The following STOML3 variants were observed in gnomAD, a reference collection of about 807,000 sequenced individuals.
STOML3 encodes stomatin like 3, also known as stomatin-like protein 3.
STOML3 carries 31 observed loss-of-function variants against 29.5 expected under a neutral mutation model. The observed-to-expected ratio is 1.05, with a 90% CI of 0.79 to 1.42. The LOEUF (loss-of-function observed/expected upper bound fraction) is 1.42. Ranked by LOEUF, STOML3 falls within the 40% of genes most tolerant of loss-of-function variation. The probability of loss-of-function intolerance (pLI) is 0.00; values close to 1 mark genes in which losing one functional copy is unlikely to be tolerated. For missense variants in STOML3, 380 were observed against 363.0 expected, an observed-to-expected ratio of 1.05 and a Z score of -0.38; for synonymous variants, 122 against 139.8, an observed-to-expected ratio of 0.87 and a Z score of 0.90.
At chr13:38,976,077 G>T (rs1216678319) in intron 3 of STOML3, among the ~76,000 whole-genome samples, 2 of 152,156 alleles carry the variant, frequency 1.3e-5, no homozygotes, top group African/African-American at 2.4e-5. Flanking sequence ...ATCTTTCTAT[G>T]TGTCTACTTG....
intron 4 of STOML3, among the ~76,000 whole-genome samples, chr13:38,972,291 C>T (rs111875779): frequency 1.2e-4 from 19 of 152,286 alleles, no homozygotes; most frequent in African/African-American, 4.1e-4. Context: ...TCTAAGTCTT[C>T]TAGCAATTCA....
chr13:38,970,558 A>G (rs1239015554), intron 4 of STOML3, among the ~76,000 whole-genome samples, 170 bp from the exon 5 acceptor site: 2 of 152,186 alleles, frequency 1.3e-5, no homozygotes, highest in Non-Finnish European at 2.9e-5. Context: ...CCCAGCTGAT[A>G]CGCAATTCCT....
At chr13:38,975,946 T>G (rs1881058944) in intron 3 of STOML3, among the ~76,000 whole-genome samples, 1 of 152,132 alleles carries the variant, frequency 6.6e-6, no homozygotes, top group Admixed American at 6.5e-5. Flanking sequence ...TGAAAACTCA[T>G]CTTTATTTCT....
At chr13:38,989,888 A>G (rs1181619302) in intron 1 of STOML3, among the ~76,000 whole-genome samples, 1 of 152,018 alleles carries the variant, frequency 6.6e-6, no homozygotes, top group African/African-American at 2.4e-5. Flanking sequence ...GGTACAGAGC[A>G]CAGGTTAGGT....
chr13:38,984,346 A>G (rs900666283), intron 1 of STOML3, among the ~76,000 whole-genome samples: 3 of 152,110 alleles, frequency 2.0e-5, no homozygotes, highest in Admixed American at 2.0e-4. Flanking sequence ...AGCAGGCCTC[A>G]GCTCAAACAT....
intron 1 of STOML3, among the ~76,000 whole-genome samples, chr13:38,985,062 A>G (rs1334386736): frequency 6.6e-6 from 1 of 152,174 alleles, no homozygotes; most frequent in Non-Finnish European, 1.5e-5. Context: ...TTAACCAAAG[A>G]ACCATATGTC....
rs764038019 is a variant in STOML3, at chr13:38,972,513, T to A, written c.311A>T (p.Glu104Val). 2 of 1,613,664 alleles carry A rather than the reference T, an allele frequency of 1.2e-6. No homozygotes were observed. Among genetic ancestry groups the A allele is most frequent in the South Asian group, 2.2e-5 (2 of 91,066 alleles). Residue 104 changes from glutamate (E) to valine (V), a missense_variant and splice_region_variant, in exon 4 of 7, where the codon GAG (glutamate) becomes GTG (valine). Transcript: ENST00000379631. ...RTVTCNIPPQ[E>V]ILTRDSVTTQ... ...TGACATATCCTTAATCAGTACTACC[T>A]CTTGTGGAGGAATGTTGCAAGTAAC...
rs10492689 is a variant in STOML3, at chr13:38,970,396, G to A, written c.313-8C>T. ...GGAGTCTCTGGTGAGGATCTGTGGA[G>A]TAAGAACAGGGCAAAATCACTTATT... On this transcript the variant is annotated splice_region_variant and splice_polypyrimidine_tract_variant and intron_variant, in intron 4 of 6. Transcript: ENST00000379631. 0.025 allele frequency: 40,346 copies of A among 1,612,296 alleles called. 625 individuals are homozygous for A. The highest frequency in any genetic ancestry group is 0.031 in the Non-Finnish European group (36,379 of 1,178,622).
intron 4 of STOML3, among the ~76,000 whole-genome samples, chr13:38,971,791 G>C (rs9603490): frequency 0.029 from 4,380 of 152,184 alleles, 217 homozygotes; most frequent in African/African-American, 0.099. Context: ...TGGGCGTGGT[G>C]ACAGGCACCT....
rs772427161 is a variant in STOML3 at position 38,970,134 on chromosome 13, A to C, written c.516+51T>G. 16 of 1,532,602 alleles carry C rather than the reference A, an allele frequency of 1.0e-5. No homozygotes were observed. In the African/African-American group the frequency reaches 2.2e-4, roughly 21 times the overall value. The allele number at this position is 1,532,602 out of a possible 1,614,324, so 94.9% of individuals were successfully genotyped here. A position where few individuals can be genotyped will look rare whatever the true frequency, so the allele number is the denominator to read the frequency against. ...TGCTGACATTTAATAATCACTGATAATTAAAATTAACAAGTTAAAGATACA... is the reference window on the plus strand; with the variant it reads ...TGCTGACATTTAATAATCACTGATACTTAAAATTAACAAGTTAAAGATACA... On this transcript the variant is annotated intron_variant, in intron 5 of 6. Transcript: ENST00000379631.
chr13:38,989,997 A>C (rs1366219369), intron 1 of STOML3, among the ~76,000 whole-genome samples: 1 of 152,076 alleles, frequency 6.6e-6, no homozygotes, highest in Non-Finnish European at 1.5e-5. Flanking sequence ...TCCAATGCTC[A>C]GTTTTCTCAT....
chr13:38,982,048 T>C (rs1025407683), intron 1 of STOML3, among the ~76,000 whole-genome samples: 1 of 152,126 alleles, frequency 6.6e-6, no homozygotes, highest in African/African-American at 2.4e-5. Context: ...GAAGTTGTGG[T>C]GTATTCATAT....
intron 3 of STOML3, among the ~76,000 whole-genome samples, chr13:38,973,635 A>T (rs1880972027): frequency 6.6e-6 from 1 of 152,040 alleles, no homozygotes; most frequent in Non-Finnish European, 1.5e-5. Context: ...TACACTGCTG[A>T]TTGGGTTCAA....
intron 1 of STOML3, among the ~76,000 whole-genome samples, 162 bp from the exon 2 acceptor site, chr13:38,976,959 A>G (rs538863050): frequency 6.6e-6 from 1 of 152,376 alleles, no homozygotes; most frequent in Admixed American, 6.5e-5. Flanking sequence ...ACACACGTAC[A>G]TACATTCAAA....
chr13:38,967,151 T>C (rs1880688187), intron 6 of STOML3, 102 bp from the exon 7 acceptor site: 3 of 990,692 alleles, frequency 3.0e-6, no homozygotes, highest in South Asian at 3.4e-5. Flanking sequence ...CCAGCCCCCA[T>C]GTTGCCACAT....
At position 38,966,780 on chromosome 13, in the gene STOML3, A is replaced by G. The variant is rs747764737; in HGVS notation, c.*45T>C. 2 of 1,529,908 alleles carry G rather than the reference A, an allele frequency of 1.3e-6. No individual in the cohort carries two copies. Among genetic ancestry groups the G allele is most frequent in the Non-Finnish European group, 1.8e-6 (2 of 1,107,182 alleles). 94.8% of individuals were successfully genotyped at this position (1,529,908 alleles called of 1,614,324 possible). On this transcript the variant is annotated 3_prime_UTR_variant, in exon 7 of 7. Transcript: ENST00000379631. ...TCTAACTACTGGCTTCTCCATAGGA[A>G]TAGACACCACTCTCTATGCAATAGC...
chr13:38,985,106 T>C (rs1868457485), intron 1 of STOML3, among the ~76,000 whole-genome samples: 1 of 152,158 alleles, frequency 6.6e-6, no homozygotes, highest in South Asian at 2.1e-4. Flanking sequence ...CGCCTGACTG[T>C]ACCCTCACTC....
At position 38,966,717 on chromosome 13, in the gene STOML3, G is replaced by T; in HGVS notation, c.*108C>A. On this transcript the variant is annotated 3_prime_UTR_variant, in exon 7 of 7. Coordinates refer to ENST00000379631, the MANE Select transcript of STOML3 (RefSeq NM_145286.3). ...CTGCCAATGCTCTTCCATCTATGGA[G>T]TTACTGTTACATGAACAGTGTTGGA... The T allele has an allele frequency of 1.1e-6, 1 of 932,450 alleles. No homozygotes were observed. Among genetic ancestry groups the T allele is most frequent in the Non-Finnish European group, 1.7e-6 (1 of 597,280 alleles). 57.8% of individuals were successfully genotyped at this position (932,450 alleles called of 1,614,324 possible).
chr13:38,981,514 T>C (rs895929721), intron 1 of STOML3, among the ~76,000 whole-genome samples: 3 of 152,196 alleles, frequency 2.0e-5, no homozygotes, highest in African/African-American at 7.2e-5. Flanking sequence ...TGCTTGCTTA[T>C]TTCTCAACTT....
Sources: allele counts gnomAD v4.1 joint callset (sites outside exome capture counted in the v4.1 genomes callset), GRCh38; gene constraint gnomAD v4.1.1; transcripts MANE v1.5; gene names NCBI Gene and HGNC (gene_info 2026-07-23, HGNC 2026-07-21).